The following B4GALNT3 variants were observed in gnomAD, a reference collection of about 807,000 sequenced individuals.
The protein encoded by B4GALNT3 is beta-1,4-N-acetylgalactosaminyltransferase 3.
Under a neutral mutation model 120.2 loss-of-function variants are expected in B4GALNT3, and 86 were observed. The ratio of observed to expected loss-of-function variants is 0.72; its 90% confidence interval spans 0.60 to 0.86. B4GALNT3 has a LOEUF of 0.86. B4GALNT3 is among the 40% of genes least tolerant of loss of function. The probability of loss-of-function intolerance (pLI) is 0.00; values close to 1 mark genes in which losing one functional copy is unlikely to be tolerated. For synonymous variants in B4GALNT3, 518 were observed against 510.4 expected (o/e 1.01, Z -0.20); for missense variants, 1,167 against 1,298.9 (o/e 0.90, Z 1.56).
In B4GALNT3 at chr12:556,534, C is replaced by G; in HGVS notation, c.2061-13C>G. The G allele has an allele frequency of 6.2e-7, 1 of 1,603,580 alleles. No homozygotes were observed. On this transcript the variant is annotated splice_polypyrimidine_tract_variant and intron_variant, in intron 14 of 19. Coordinates refer to ENST00000266383, the MANE Select transcript of B4GALNT3 (RefSeq NM_173593.4). Reference sequence around the variant, plus strand: ...AAAGGAACCACTCAGCCTCCCCACACTTTCTGCCATAGGAGGTACCAGCTA... The same window carrying G: ...AAAGGAACCACTCAGCCTCCCCACAGTTTCTGCCATAGGAGGTACCAGCTA...
intron 1 of B4GALNT3, among the ~76,000 whole-genome samples, chr12:499,641 CCG>C: frequency 7.2e-6 from 1 of 138,566 alleles, no homozygotes; most frequent in Non-Finnish European, 1.5e-5. Flanking sequence ...CACTCCTAGC[CCG>C]TGGAGCCCGT....
At chr12:474,909 C>T (rs1461349671) in intron 1 of B4GALNT3, among the ~76,000 whole-genome samples, 1 of 145,628 alleles carries the variant, frequency 6.9e-6, no homozygotes, top group African/African-American at 2.5e-5. Context: ...AGATTGACCA[C>T]TGCACTCCAG....
chr12:512,169 TCCGCCTTCCGC>T (rs1946582619), intron 1 of B4GALNT3, among the ~76,000 whole-genome samples: 1 of 76,762 alleles, frequency 1.3e-5, no homozygotes. Context: ...CCTTCCACCT[TCCGCCTTCCGC>T]CTTCCACCTT....
At chr12:497,960 C>G (rs558603830) in intron 1 of B4GALNT3, among the ~76,000 whole-genome samples, 1 of 152,186 alleles carries the variant, frequency 6.6e-6, no homozygotes, top group African/African-American at 2.4e-5. Context: ...GACACACACT[C>G]GATTTCTCAG....
At chr12:552,561 G>A (rs377327928) in intron 13 of B4GALNT3, 33 bp downstream of exon 13, 127 of 1,599,418 alleles carry the variant, frequency 7.9e-5, no homozygotes, top group Admixed American at 6.7e-5. Flanking sequence ...TCCAGGTCAG[G>A]CTGAGAGGGG....
At chr12:560,040 G>A (rs1565613571) in intron 19 of B4GALNT3, among the ~76,000 whole-genome samples, 1 of 152,192 alleles carries the variant, frequency 6.6e-6, no homozygotes, top group East Asian at 1.9e-4. Context: ...GAGCAAGATT[G>A]GGCAGGGACA....
At chr12:512,569 CCTTCCACCTT>C (rs1946597727) in intron 1 of B4GALNT3, among the ~76,000 whole-genome samples, 2 of 145,670 alleles carry the variant, frequency 1.4e-5, no homozygotes, top group Non-Finnish European at 3.0e-5. Flanking sequence ...CCACCTTCCA[CCTTCCACCTT>C]CTTCCACCTT....
intron 1 of B4GALNT3, among the ~76,000 whole-genome samples, chr12:484,327 CT>C (rs1946270131): frequency 1.3e-5 from 2 of 152,314 alleles, no homozygotes; most frequent in South Asian, 2.1e-4. Context: ...TACCCCACCC[CT>C]AATGCAAGCA....
At chr12:489,421 A>G (rs1946320997) in intron 1 of B4GALNT3, among the ~76,000 whole-genome samples, 2 of 152,174 alleles carry the variant, frequency 1.3e-5, no homozygotes, top group Admixed American at 1.3e-4. Flanking sequence ...AGTAATAAAT[A>G]TGATAGATAT....
rs10604398 is a variant in B4GALNT3 at position 552,292 on chromosome 12, T to TACACACACACACACACACACACACAC, written c.1208+148_1209-131dup. The TACACACACACACACACACACACACAC allele has an allele frequency of 4.8e-6, 3 of 627,118 alleles. No homozygotes were observed. In the African/African-American group the frequency reaches 5.9e-5, roughly 12 times the overall value. 38.8% of individuals were successfully genotyped at this position (627,118 alleles called of 1,614,324 possible). A position where few individuals can be genotyped will look rare whatever the true frequency, so the allele number is the denominator to read the frequency against. On this transcript the variant is annotated intron_variant, in intron 12 of 19. Coordinates refer to ENST00000266383, the MANE Select transcript of B4GALNT3 (RefSeq NM_173593.4). The stretch of plus-strand genomic sequence containing the variant: ...CTTTGCTCTTGCTCTTCCTGAGTAC[T>TACACACACACACACACACACACACAC]ACACACACACACACACACACACACA...
chr12:522,290 C>A (rs921047265), intron 1 of B4GALNT3, among the ~76,000 whole-genome samples: 4 of 152,112 alleles, frequency 2.6e-5, no homozygotes, highest in African/African-American at 9.7e-5. Flanking sequence ...GAATGGATAA[C>A]CAAAATGTGG....
chr12:504,442 C>G (rs896514145), intron 1 of B4GALNT3, among the ~76,000 whole-genome samples: 1 of 147,954 alleles, frequency 6.8e-6, no homozygotes, highest in African/African-American at 2.6e-5. Context: ...CTCTCCACCC[C>G]GCAGCCGCCC....
chr12:481,347 G>A (rs1476294632), intron 1 of B4GALNT3, among the ~76,000 whole-genome samples: 3 of 152,238 alleles, frequency 2.0e-5, no homozygotes, highest in Non-Finnish European at 2.9e-5. Flanking sequence ...TCTCAGTGAA[G>A]GGTTGCTTTC....
chr12:487,941 G>T (rs1203540195), intron 1 of B4GALNT3, among the ~76,000 whole-genome samples: 2 of 151,998 alleles, frequency 1.3e-5, no homozygotes, highest in Non-Finnish European at 2.9e-5. Flanking sequence ...ACAGAGCAAG[G>T]CCCTGTCTCC....
chr12:527,598 A>G (rs976789899), intron 1 of B4GALNT3, among the ~76,000 whole-genome samples: 11 of 151,886 alleles, frequency 7.2e-5, no homozygotes, highest in Admixed American at 2.0e-4. Context: ...CATCTAGAGG[A>G]ACGGGTAGGC....
At position 471,720 on chromosome 12, in the gene B4GALNT3, A is replaced by T. The variant is rs200418222; in HGVS notation, c.169+11175A>T. Among the ~76,000 whole-genome samples the T allele has an allele frequency of 7.3e-3, 1,082 of 149,002 alleles. 16 individuals carry two copies. The highest frequency in any genetic ancestry group is 0.01 in the Middle Eastern group (3 of 290). Reference sequence around the variant, plus strand: ...AGACTCTGTCTCAAAATAATAATAAAAAATAAATAAATAAATAAATATAAA... The same window carrying T: ...AGACTCTGTCTCAAAATAATAATAATAAATAAATAAATAAATAAATATAAA... On this transcript the variant is annotated intron_variant, in intron 1 of 19. Coordinates refer to ENST00000266383, the MANE Select transcript of B4GALNT3 (RefSeq NM_173593.4).
chr12:545,229 A>G, intron 5 of B4GALNT3, 140 bp from the exon 6 acceptor site: 2 of 1,459,400 alleles, frequency 1.4e-6, no homozygotes, highest in Non-Finnish European at 1.8e-6. Flanking sequence ...CCCAGGATGT[A>G]GAAACCCCCA....
At chr12:496,817 T>G (rs1946393397) in intron 1 of B4GALNT3, among the ~76,000 whole-genome samples, 1 of 152,242 alleles carries the variant, frequency 6.6e-6, no homozygotes, top group African/African-American at 2.4e-5. Context: ...GTGTGTGGCT[T>G]CTTTCACTTA....
intron 1 of B4GALNT3, among the ~76,000 whole-genome samples, chr12:489,412 G>A (rs1006013432): frequency 6.6e-6 from 1 of 151,212 alleles, no homozygotes; most frequent in African/African-American, 2.4e-5. Flanking sequence ...ATAGACAATA[G>A]TAATAAATAT....
Sources: allele counts gnomAD v4.1 joint callset (sites outside exome capture counted in the v4.1 genomes callset), GRCh38; gene constraint gnomAD v4.1.1; transcripts MANE v1.5; gene names NCBI Gene and HGNC (gene_info 2026-07-23, HGNC 2026-07-21).